The following PHACTR4 variants were observed in gnomAD, a reference collection of about 807,000 sequenced individuals.
PHACTR4 encodes the protein phosphatase and actin regulator 4, also known as protein phosphatase 1, regulatory subunit 124.
Under a neutral mutation model 72.7 loss-of-function variants are expected in PHACTR4, and 51 were observed. The observed-to-expected ratio is 0.70, with a 90% CI of 0.56 to 0.89. The LOEUF (loss-of-function observed/expected upper bound fraction) is 0.89. Ranked by LOEUF, PHACTR4 falls within the 40% of genes least tolerant of loss-of-function variation. PHACTR4 has a pLI of 0.00. For missense variants in PHACTR4, 731 were observed against 861.8 expected, an observed-to-expected ratio of 0.85 and a Z score of 1.90; for synonymous variants, 255 against 302.5, an observed-to-expected ratio of 0.84 and a Z score of 1.63.
At chr1:28,465,630 C>A in intron 4 of PHACTR4, 55 bp from the exon 5 acceptor site, 1 of 1,518,078 alleles carries the variant, frequency 6.6e-7, no homozygotes, top group Non-Finnish European at 8.9e-7. Flanking sequence ...ACTAACTCTT[C>A]TTTCTATCTG....
intron 2 of PHACTR4, among the ~76,000 whole-genome samples, chr1:28,411,034 T>G (rs1654750735): frequency 6.6e-6 from 1 of 151,772 alleles, no homozygotes; most frequent in South Asian, 2.1e-4. Context: ...TTTATTTTTT[T>G]GGTTTGTTTT....
chr1:28,415,624 TAA>T (rs1218453959), intron 2 of PHACTR4, among the ~76,000 whole-genome samples: 7 of 152,226 alleles, frequency 4.6e-5, no homozygotes, highest in Non-Finnish European at 1.0e-4. Flanking sequence ...AATACTTCAT[TAA>T]GTTTCTATAT....
rs989645873 is a variant in PHACTR4 at position 28,419,269 on chromosome 1, C to T, written c.16+11806C>T. ...AGAGTGCCAGGATTACAGGCGTGAG[C>T]GACCGTGGCTGGCCTGTTTTTGTCC... is the stretch of plus-strand genomic sequence containing the variant. On this transcript the variant is annotated intron_variant, in intron 2 of 13. Coordinates refer to ENST00000373839, the MANE Select transcript of PHACTR4 (RefSeq NM_001048183.3). Among the ~76,000 whole-genome samples the T allele has an allele frequency of 4.0e-5, 6 of 151,636 alleles. No homozygotes were observed. In the East Asian group the frequency reaches 1.2e-3, roughly 29 times the overall value.
In PHACTR4 at chr1:28,369,780, G is replaced by A. The variant is rs1454215449; in HGVS notation, c.-84G>A. ...GGCCAACGGGCCAGGTAGGATTTCC[G>A]GGAGAGGCTGCTGTGGAGGCTGAGG... On this transcript the variant is annotated 5_prime_UTR_variant, in exon 1 of 14. Coordinates refer to ENST00000373839, the MANE Select transcript of PHACTR4 (RefSeq NM_001048183.3). 1 of 454,240 alleles carries A rather than the reference G, an allele frequency of 2.2e-6. No individual in the cohort carries two copies. The highest frequency in any genetic ancestry group is 2.4e-5 in the Admixed American group (1 of 40,880). The allele number at this position is 454,240 out of a possible 1,614,324, so 28.1% of individuals were successfully genotyped here.
At chr1:28,489,740 T>C (rs751171754) in intron 10 of PHACTR4, 1 of 517,930 alleles carries the variant, frequency 1.9e-6, no homozygotes. Flanking sequence ...GAAATAGCAT[T>C]CTAATCTAGT....
chr1:28,483,661 G>T (rs923877287), intron 9 of PHACTR4, among the ~76,000 whole-genome samples: 2 of 151,574 alleles, frequency 1.3e-5, no homozygotes, highest in South Asian at 2.1e-4. Flanking sequence ...AATTAGCTGG[G>T]TGTGGTGCTG....
At chr1:28,463,938 C>T (rs1215712823) in intron 4 of PHACTR4, among the ~76,000 whole-genome samples, 2 of 151,982 alleles carry the variant, frequency 1.3e-5, no homozygotes, top group South Asian at 2.1e-4. Flanking sequence ...TACTATGTTT[C>T]GCAGGCTGAT....
At chr1:28,384,281 C>T (rs887444800) in intron 1 of PHACTR4, among the ~76,000 whole-genome samples, 8 of 152,084 alleles carry the variant, frequency 5.3e-5, no homozygotes, top group Non-Finnish European at 1.2e-4. Flanking sequence ...AGCTGTGAAT[C>T]CATCCGGTCC....
chr1:28,455,198 C>CTTTTTTTTTTTTTTTTTTTTT (rs139479738), intron 2 of PHACTR4, among the ~76,000 whole-genome samples: 4 of 85,974 alleles, frequency 4.7e-5, no homozygotes, highest in Non-Finnish European at 6.3e-5. Context: ...TTCTTTCTTT[C>CTTTTTTTTTTTTTTTTTTTTT]TTTTTTTTTT....
intron 2 of PHACTR4, 33 bp from the exon 3 acceptor site, chr1:28,459,052 T>G (rs1459903590): frequency 6.4e-7 from 1 of 1,554,442 alleles, no homozygotes; most frequent in South Asian, 1.2e-5. Context: ...ATAATACATT[T>G]GCTTCCTTCC....
chr1:28,492,136 G>T (rs746997344), intron 12 of PHACTR4, among the ~76,000 whole-genome samples: 1 of 152,106 alleles, frequency 6.6e-6, no homozygotes. Context: ...TTATAATGCT[G>T]TGAAAAACTA....
chr1:28,414,629 C>T (rs1009935754), intron 2 of PHACTR4, among the ~76,000 whole-genome samples: 10 of 152,112 alleles, frequency 6.6e-5, no homozygotes, highest in Non-Finnish European at 8.8e-5. Flanking sequence ...TCTCCCACCT[C>T]GGCCTCCCCA....
Position 28,459,078 on chromosome 1 carries a change from G to A in PHACTR4, c.17-7G>A. On this transcript the variant is annotated splice_polypyrimidine_tract_variant and splice_region_variant and intron_variant, in intron 2 of 13. Transcript: ENST00000373839. ...GCTTCCTTCCCTCTCTTCTTTTCATGTAACAGAGGAAGCAGACCAGCCCAC... is the reference window on the plus strand; with the variant it reads ...GCTTCCTTCCCTCTCTTCTTTTCATATAACAGAGGAAGCAGACCAGCCCAC... 6.3e-7 allele frequency: 1 copy of A among 1,584,434 alleles called. No individual in the cohort carries two copies. Among genetic ancestry groups the A allele is most frequent in the Non-Finnish European group, 8.6e-7 (1 of 1,166,072 alleles).
At chr1:28,460,473 C>T (rs1453452299) in intron 4 of PHACTR4, among the ~76,000 whole-genome samples, 181 bp downstream of exon 4, 1 of 152,062 alleles carries the variant, frequency 6.6e-6, no homozygotes, top group East Asian at 1.9e-4. Context: ...CCTCTGTGTA[C>T]ATCCTCAACT....
intron 1 of PHACTR4, among the ~76,000 whole-genome samples, 161 bp downstream of exon 1, chr1:28,369,986 G>A (rs1291316932): frequency 1.3e-5 from 2 of 152,092 alleles, no homozygotes; most frequent in Non-Finnish European, 2.9e-5. Context: ...GCGGGGCGGG[G>A]CCGCCGCCTC....
chr1:28,405,557 C>G (rs1298792773), intron 1 of PHACTR4, among the ~76,000 whole-genome samples: 14 of 151,338 alleles, frequency 9.3e-5, no homozygotes, highest in Admixed American at 9.2e-4. Context: ...AAACTCCTGA[C>G]CTCAGGTGAT....
intron 9 of PHACTR4, among the ~76,000 whole-genome samples, chr1:28,484,474 G>C (rs190730878): frequency 2.0e-5 from 3 of 150,738 alleles, no homozygotes; most frequent in African/African-American, 2.4e-5. Flanking sequence ...ATATATGTGT[G>C]TATGTGTATA....
At chr1:28,383,083 G>A (rs1018274039) in intron 1 of PHACTR4, among the ~76,000 whole-genome samples, 1 of 152,154 alleles carries the variant, frequency 6.6e-6, no homozygotes, top group Non-Finnish European at 1.5e-5. Flanking sequence ...ATGAGCCACC[G>A]CGCCTGGCCT....
chr1:28,393,516 T>TACTCAC (rs1389527494), intron 1 of PHACTR4, among the ~76,000 whole-genome samples: 1 of 152,212 alleles, frequency 6.6e-6, no homozygotes, highest in African/African-American at 2.4e-5. Flanking sequence ...CACAATGCAT[T>TACTCAC]ACTCACGTTT....
Sources: allele counts gnomAD v4.1 joint callset (sites outside exome capture counted in the v4.1 genomes callset), GRCh38; gene constraint gnomAD v4.1.1; transcripts MANE v1.5; gene names NCBI Gene and HGNC (gene_info 2026-07-23, HGNC 2026-07-21).